The following ZBBX variants were observed in gnomAD, a reference collection of about 807,000 sequenced individuals.
ZBBX encodes zinc finger B-box domain-containing protein 1.
In ZBBX, 101 loss-of-function variants were observed where a neutral mutation model predicts 108.5. The ratio of observed to expected loss-of-function variants is 0.93; its 90% CI spans 0.79 to 1.10. The LOEUF is 1.10. Among genes scored for constraint, ZBBX ranks in the 50% least tolerant of loss-of-function variants. The pLI, the probability that ZBBX is intolerant of heterozygous loss-of-function variation, is 0.00. For synonymous variants in ZBBX, 356 were observed against 323.4 expected (o/e 1.10, Z -1.08); for missense variants, 1,009 against 941.4 (o/e 1.07, Z -0.94).
chr3:167,249,085 A>C (rs1226995302), intron 20 of ZBBX, among the ~76,000 whole-genome samples: 2 of 152,226 alleles, frequency 1.3e-5, no homozygotes, highest in Non-Finnish European at 1.5e-5. Flanking sequence ...TGTATTCTGA[A>C]CCACTAGGAC....
At position 167,359,994 on chromosome 3, in the gene ZBBX, AT is replaced by A. The variant is rs763637636; in HGVS notation, c.323-16del. On this transcript the variant is annotated splice_polypyrimidine_tract_variant and intron_variant, in intron 7 of 21. Transcript: ENST00000675490. ...TTTCACTGGCTCTGCAAGATAAAAAATAATATTACTCCAATCATTTAAAAAT... is the reference window on the plus strand; with the variant it reads ...TTTCACTGGCTCTGCAAGATAAAAAAAATATTACTCCAATCATTTAAAAAT... 1 of 1,411,438 alleles carries A rather than the reference AT, an allele frequency of 7.1e-7. No individual in the cohort carries two copies. The highest frequency in any genetic ancestry group is 9.8e-7 in the Non-Finnish European group (1 of 1,018,852). The allele number at this position is 1,411,438 out of a possible 1,614,324, so 87.4% of individuals were successfully genotyped here.
chr3:167,317,229 C>G, intron 13 of ZBBX, 124 bp from the exon 14 acceptor site: 1 of 673,082 alleles, frequency 1.5e-6, no homozygotes, highest in East Asian at 3.0e-5. Flanking sequence ...AATACAAATA[C>G]TGTCAATTTT....
At chr3:167,245,310 C>G (rs776264444) in intron 20 of ZBBX, among the ~76,000 whole-genome samples, 1 of 152,180 alleles carries the variant, frequency 6.6e-6, no homozygotes, top group Admixed American at 6.5e-5. Context: ...TTGCAGTGAG[C>G]TGAGATCGCA....
chr3:167,383,690 T>C (rs2140366), upstream of ZBBX, among the ~76,000 whole-genome samples: 11,675 of 152,158 alleles, frequency 0.077, 502 homozygotes, highest in Admixed American at 0.11. Context: ...TTTCGATTCC[T>C]GCAATGTGCA....
intron 9 of ZBBX, among the ~76,000 whole-genome samples, chr3:167,342,397 A>C (rs1415042402): frequency 6.6e-6 from 1 of 151,802 alleles, no homozygotes; most frequent in East Asian, 1.9e-4. Flanking sequence ...TCTATGTGTG[A>C]ATAAATTGGA....
chr3:167,256,581 T>C (rs1208410666), intron 20 of ZBBX, among the ~76,000 whole-genome samples: 1 of 149,598 alleles, frequency 6.7e-6, no homozygotes, highest in Non-Finnish European at 1.5e-5. Flanking sequence ...TTTGGACCCA[T>C]TAACCATCCC....
At chr3:167,377,366 C>T (rs969310116) in intron 2 of ZBBX, among the ~76,000 whole-genome samples, 9 of 152,130 alleles carry the variant, frequency 5.9e-5, no homozygotes, top group Non-Finnish European at 8.8e-5. Flanking sequence ...ACAAGATGGG[C>T]CACTTTTTGT....
At chr3:167,331,897 T>C (rs1738696083) in intron 10 of ZBBX, among the ~76,000 whole-genome samples, 1 of 152,198 alleles carries the variant, frequency 6.6e-6, no homozygotes, top group African/African-American at 2.4e-5. Context: ...TTTCGGCTTA[T>C]AAGATGTAAG....
chr3:167,322,590 G>A (rs896453619), intron 11 of ZBBX, among the ~76,000 whole-genome samples: 9 of 151,952 alleles, frequency 5.9e-5, no homozygotes, highest in Admixed American at 2.6e-4. Context: ...AAGTGTTATA[G>A]CCACTGACAA....
the ZBBX span, among the ~76,000 whole-genome samples, chr3:167,178,448 G>T: frequency 6.6e-6 from 1 of 152,176 alleles, no homozygotes; most frequent in Non-Finnish European, 1.5e-5. Context: ...TCCGCCATCT[G>T]TGACAGCTTC....
At chr3:167,276,328 A>G (rs1727571726) in intron 20 of ZBBX, among the ~76,000 whole-genome samples, 1 of 151,610 alleles carries the variant, frequency 6.6e-6, no homozygotes, top group Non-Finnish European at 1.5e-5. Context: ...AAGGCAAAGA[A>G]GTTGAAAACT....
Position 167,365,935 on chromosome 3 carries a change from A to G in ZBBX, c.224T>C (p.Leu75Ser). 6.2e-7 allele frequency: 1 copy of G among 1,609,392 alleles called. No homozygotes were observed. Among genetic ancestry groups the G allele is most frequent in the East Asian group, 2.2e-5 (1 of 44,624 alleles). ...TGACATCATATATGATTGATTGACC[A>G]ATTTGCCCACTTTTCCAGATTTCCA... is the stretch of plus-strand genomic sequence containing the variant. The part of the protein sequence containing the change: ...YYWKSGKVGK[L>S]VNQSYMMSQN... The change falls in exon 6 of 22, where the codon TTG becomes TCG. Residue 75 changes from leucine to serine, a missense_variant. By Grantham distance (145) the Leu-to-Ser change is moderately radical. Coordinates refer to ENST00000675490, the MANE Select transcript of ZBBX (RefSeq NM_001199201.2).
Position 167,242,582 on chromosome 3 carries a change from T to C in ZBBX, c.2316A>G (p.Ser772=). 1 of 1,613,802 alleles carries C rather than the reference T, an allele frequency of 6.2e-7. No individual in the cohort carries two copies. Among genetic ancestry groups the C allele is most frequent in the Non-Finnish European group, 8.5e-7 (1 of 1,179,858 alleles). ...CTGTGGAAATCTGACTTATATTCAG[T>C]GATTGGCTGCTGAAATCTGGGAACT... is the stretch of plus-strand genomic sequence containing the variant. ...SEEFPDFSSQ[S]LNISQISTDF... The change falls in exon 21 of 22, where the codon TCA becomes TCG. Residue 772 remains serine, a synonymous_variant. Coordinates refer to ENST00000675490, the MANE Select transcript of ZBBX (RefSeq NM_001199201.2).
chr3:167,273,776 A>T (rs1239702420), intron 20 of ZBBX, among the ~76,000 whole-genome samples: 3 of 152,300 alleles, frequency 2.0e-5, no homozygotes, highest in South Asian at 4.1e-4. Context: ...ACGCCACAAA[A>T]TAAAAGAAGC....
intron 8 of ZBBX, among the ~76,000 whole-genome samples, chr3:167,353,035 C>A (rs1178911737): frequency 6.6e-6 from 1 of 152,060 alleles, no homozygotes; most frequent in Non-Finnish European, 1.5e-5. Context: ...TGGGAAGTGT[C>A]TAAAACGTTG....
At chr3:167,339,373 A>C (rs1163932225) in intron 9 of ZBBX, among the ~76,000 whole-genome samples, 1 of 152,188 alleles carries the variant, frequency 6.6e-6, no homozygotes, top group Non-Finnish European at 1.5e-5. Context: ...CTCTGACTTT[A>C]AAGCAACAGA....
At chr3:167,338,583 T>C (rs1739981153) in intron 9 of ZBBX, among the ~76,000 whole-genome samples, 1 of 152,110 alleles carries the variant, frequency 6.6e-6, no homozygotes, top group Non-Finnish European at 1.5e-5. Context: ...CTGTATTACT[T>C]TGCAAGTTTG....
At chr3:167,184,831 C>A in the ZBBX span, among the ~76,000 whole-genome samples, 2 of 152,136 alleles carry the variant, frequency 1.3e-5, no homozygotes, top group African/African-American at 4.8e-5. Flanking sequence ...CATGCTACAC[C>A]TAAACAGGCT....
intron 8 of ZBBX, among the ~76,000 whole-genome samples, chr3:167,356,411 T>C (rs1743580982): frequency 6.6e-6 from 1 of 152,058 alleles, no homozygotes; most frequent in African/African-American, 2.4e-5. Context: ...CAGAGTCCAG[T>C]TAAAATTGCC....
Sources: allele counts gnomAD v4.1 joint callset (sites outside exome capture counted in the v4.1 genomes callset), GRCh38; gene constraint gnomAD v4.1.1; transcripts MANE v1.5; gene names NCBI Gene and HGNC (gene_info 2026-07-23, HGNC 2026-07-21).